The following AR variants were observed in gnomAD, a reference collection of about 807,000 sequenced individuals.
The protein encoded by AR is androgen receptor.
AR carries 8 observed loss-of-function variants against 53.9 expected under a neutral mutation model. The observed-to-expected ratio is 0.15, with a 90% CI of 0.09 to 0.27. The LOEUF is 0.27. Ranked by LOEUF, AR falls within the 10% of genes least tolerant of loss-of-function variation. AR has a pLI of 1.00. For synonymous variants in AR, 359 were observed against 316.4 expected (o/e 1.13, Z -1.43); for missense variants, 639 against 742.5 (o/e 0.86, Z 1.62).
chrX:67,548,128 A>G (rs956603101), intron 1 of AR, among the ~76,000 whole-genome samples: 4 of 111,763 alleles, frequency 3.6e-5, no homozygotes, highest in African/African-American at 1.3e-4. Context: ...GTTAGCCTTA[A>G]CATCTTTGTT....
At chrX:67,685,008 G>T (rs1282309622) in intron 2 of AR, among the ~76,000 whole-genome samples, 1 of 111,252 alleles carries the variant, frequency 9.0e-6, no homozygotes, top group African/African-American at 3.3e-5. Flanking sequence ...CAATAAATTT[G>T]AGGAAAAAAT....
At chrX:67,669,731 G>C (rs1216277412) in intron 2 of AR, among the ~76,000 whole-genome samples, 1 of 110,269 alleles carries the variant, frequency 9.1e-6, no homozygotes, top group African/African-American at 3.3e-5. Context: ...CTCCAGTGTT[G>C]GGTGCATATA....
chrX:67,613,195 CA>C (rs1923960688), intron 1 of AR, among the ~76,000 whole-genome samples: 1 of 111,887 alleles, frequency 8.9e-6, no homozygotes, highest in Non-Finnish European at 1.9e-5. Flanking sequence ...ACTTGTAGAA[CA>C]GGGGTGTCAT....
chrX:67,642,871 G>A (rs73227878), intron 1 of AR, among the ~76,000 whole-genome samples: 3 of 111,700 alleles, frequency 2.7e-5, no homozygotes, highest in East Asian at 2.9e-4. Context: ...TTTGTTATAG[G>A]TCTCCCTTTG....
intron 2 of AR, among the ~76,000 whole-genome samples, chrX:67,662,170 G>T (rs1316939311): frequency 9.0e-6 from 1 of 111,545 alleles, no homozygotes; most frequent in Non-Finnish European, 1.9e-5. Flanking sequence ...TTTTTGAAGG[G>T]TTTTTTACAT....
intron 3 of AR, among the ~76,000 whole-genome samples, chrX:67,690,353 G>A (rs762306830): frequency 6.3e-5 from 7 of 111,787 alleles, no homozygotes; most frequent in Non-Finnish European, 1.3e-4. Context: ...GTCTGATGTC[G>A]TTATGGACGC....
intron 1 of AR, among the ~76,000 whole-genome samples, chrX:67,588,886 G>A (rs1198310590): frequency 8.9e-6 from 1 of 111,885 alleles, no homozygotes; most frequent in Non-Finnish European, 1.9e-5. Context: ...TTAGAGCAAG[G>A]ACAATTCTGG....
intron 1 of AR, among the ~76,000 whole-genome samples, chrX:67,571,842 C>T (rs1395700375): frequency 9.3e-6 from 1 of 107,516 alleles, no homozygotes; most frequent in Non-Finnish European, 1.9e-5. Flanking sequence ...AAAAAAAAAA[C>T]AAGGAGGAGG....
chrX:67,652,981 A>G (rs1238914305), intron 2 of AR, among the ~76,000 whole-genome samples: 1 of 111,639 alleles, frequency 9.0e-6, no homozygotes, highest in Non-Finnish European at 1.9e-5. Flanking sequence ...ATTACAGAAT[A>G]CCAGTCTTGT....
chrX:67,694,362 A>G (rs140087531), intron 3 of AR, among the ~76,000 whole-genome samples: 282 of 109,286 alleles, frequency 2.6e-3, no homozygotes, highest in African/African-American at 9.0e-3. Context: ...CATACACACA[A>G]TTCTTGTCCA....
chrX:67,615,000 A>G (rs1207395933), intron 1 of AR, among the ~76,000 whole-genome samples: 1 of 110,838 alleles, frequency 9.0e-6, no homozygotes, highest in African/African-American at 3.3e-5. Flanking sequence ...GGCAGAAGAA[A>G]CAATCAGCAA....
chrX:67,636,349 A>G lies in AR; in HGVS notation c.1617-6907A>G, dbSNP rs746558073. Among the ~76,000 whole-genome samples the G allele has an allele frequency of 6.3e-5, 7 of 111,955 alleles. No individual in the cohort carries two copies. The East Asian group carries it at 2.0e-3, about 31-fold the overall frequency. ...CCCTTGCATTTTGATAAGTTTTCAC[A>G]TGTATATTCCCAAATAATATATTGC... On this transcript the variant is annotated intron_variant, in intron 1 of 7. Transcript: ENST00000374690.
At chrX:67,635,624 G>A (rs1925396048) in intron 1 of AR, among the ~76,000 whole-genome samples, 1 of 110,770 alleles carries the variant, frequency 9.0e-6, no homozygotes, top group East Asian at 2.8e-4. Context: ...TCTCAGCTGG[G>A]TGCCAAGGTT....
intron 2 of AR, among the ~76,000 whole-genome samples, chrX:67,676,932 A>G (rs934843433): frequency 9.0e-6 from 1 of 111,208 alleles, no homozygotes; most frequent in Non-Finnish European, 1.9e-5. Flanking sequence ...TGAAATTGTT[A>G]TAAGGTCTTT....
In AR at chrX:67,546,484, G is replaced by T. The variant is rs1315489360; in HGVS notation, c.1338G>T (p.Leu446Phe). ...TCTTCACAGCCGAAGAAGGCCAGTTGTATGGACCGTGTGGTGGTGGTGGGG... is the reference window on the plus strand; with the variant it reads ...TCTTCACAGCCGAAGAAGGCCAGTTTTATGGACCGTGTGGTGGTGGTGGGG... ...HTLFTAEEGQ[L>F]YGPCGGGGGG... The change falls in exon 1 of 8, where the codon TTG (leucine) becomes TTT (phenylalanine). Residue 446 changes from leucine to phenylalanine, a missense_variant. Leu to Phe is a conservative substitution (Grantham distance 22). Transcript: ENST00000374690. 2.6e-6 allele frequency: 3 copies of T among 1,132,519 alleles called. No homozygotes were observed. The highest frequency in any genetic ancestry group is 3.5e-6 in the Non-Finnish European group (3 of 846,732). 93.3% of individuals were successfully genotyped at this position (1,132,519 alleles called of 1,213,427 possible).
chrX:67,578,764 T>C (rs1025322811), intron 1 of AR, among the ~76,000 whole-genome samples: 1 of 111,914 alleles, frequency 8.9e-6, no homozygotes, highest in African/African-American at 3.2e-5. Flanking sequence ...TGCAGTCAAA[T>C]CTGGCATGAA....
chrX:67,607,873 C>T (rs953022244), intron 1 of AR, among the ~76,000 whole-genome samples: 1 of 111,421 alleles, frequency 9.0e-6, no homozygotes, highest in African/African-American at 3.3e-5. Context: ...TATTTTGGCT[C>T]TGGGACCAAC....
chrX:67,705,402 G>C (rs2076061983), intron 3 of AR, among the ~76,000 whole-genome samples: 1 of 111,382 alleles, frequency 9.0e-6, no homozygotes, highest in African/African-American at 3.3e-5. Context: ...TATTCTCTTA[G>C]AAGCAGTTGT....
intron 3 of AR, among the ~76,000 whole-genome samples, chrX:67,690,753 G>A (rs949138559): frequency 8.9e-6 from 1 of 111,783 alleles, no homozygotes; most frequent in African/African-American, 3.3e-5. Flanking sequence ...AGGAAGTAAT[G>A]AGGAATATTC....
Sources: allele counts gnomAD v4.1 joint callset (sites outside exome capture counted in the v4.1 genomes callset), GRCh38; gene constraint gnomAD v4.1.1; transcripts MANE v1.5; gene names NCBI Gene and HGNC (gene_info 2026-07-23, HGNC 2026-07-21).